IFT43: variants seen among roughly 807,000 people sequenced by gnomAD.
The protein encoded by IFT43 is intraflagellar transport protein 43 homolog.
Under a neutral mutation model 32.3 loss-of-function variants are expected in IFT43, and 33 were observed. That is an observed-to-expected ratio of 1.02 (90% CI 0.77 to 1.37). The LOEUF is 1.37. IFT43 is among the 40% of genes most tolerant of loss of function. The probability of loss-of-function intolerance (pLI) is 0.00; values close to 1 mark genes in which losing one functional copy is unlikely to be tolerated. For missense variants in IFT43, 274 were observed against 265.9 expected (o/e 1.03, Z -0.21); for synonymous variants, 93 against 98.2 (o/e 0.95, Z 0.31).
chr14:76,051,403 AG>A (rs914698062), intron 3 of IFT43, among the ~76,000 whole-genome samples: 10 of 151,872 alleles, frequency 6.6e-5, no homozygotes, highest in African/African-American at 2.4e-4. Context: ...CTTAGAGCAG[AG>A]GGACCCCAAT....
chr14:76,064,151 A>G (rs1378229612), intron 5 of IFT43, among the ~76,000 whole-genome samples: 1 of 152,192 alleles, frequency 6.6e-6, no homozygotes, highest in Non-Finnish European at 1.5e-5. Context: ...TCTTCATGAC[A>G]GATCTTCCTC....
At position 76,042,554 on chromosome 14, in the gene IFT43, T is replaced by C. The variant is rs2140011622; in HGVS notation, c.216-16088T>C. On this transcript the variant is annotated intron_variant, in intron 3 of 8. Transcript: ENST00000314067. ...CCTTCCTAGCATCCTTTGGCCTCGC[T>C]CTCTGCAGAGTTGTGCTCCAGCCAG... Among the ~76,000 whole-genome samples, 3 of 152,328 alleles carry C rather than the reference T, an allele frequency of 2.0e-5. No individual in the cohort carries two copies. In the South Asian group the frequency reaches 6.2e-4, roughly 32 times the overall value.
At position 75,988,982 on chromosome 14, in the gene IFT43, G is replaced by A. The variant is rs534582744; in HGVS notation, c.147+5G>A. The A allele has an allele frequency of 6.2e-7, 1 of 1,613,428 alleles. No individual in the cohort carries two copies. Among genetic ancestry groups the A allele is most frequent in the African/African-American group, 1.3e-5 (1 of 74,838 alleles). On this transcript the variant is annotated splice_donor_5th_base_variant and intron_variant, in intron 2 of 8. Coordinates refer to ENST00000314067, the MANE Select transcript of IFT43 (RefSeq NM_001102564.3). ...TCTTTGACTCTGACTGGAGAGGTGG[G>A]TGCTAAAAAAAAAGAAAATCTGAAG... is the stretch of plus-strand genomic sequence containing the variant.
intron 5 of IFT43, among the ~76,000 whole-genome samples, chr14:76,075,168 G>T (rs1051589664): frequency 6.6e-6 from 1 of 152,182 alleles, no homozygotes; most frequent in Admixed American, 6.5e-5. Context: ...CGCATGCTGC[G>T]TATGGTCAGT....
chr14:75,994,185 T>C (rs369317360), intron 2 of IFT43, among the ~76,000 whole-genome samples: 2 of 152,156 alleles, frequency 1.3e-5, no homozygotes, highest in African/African-American at 4.8e-5. Context: ...AGTTTTTGTT[T>C]TGGAGTTGAG....
intron 3 of IFT43, among the ~76,000 whole-genome samples, chr14:76,054,638 C>CT (rs1442583865): frequency 1.3e-5 from 2 of 152,212 alleles, no homozygotes; most frequent in African/African-American, 4.8e-5. Flanking sequence ...TTGAAAAGTG[C>CT]TCTGTGTGAG....
rs541081809 is a variant in IFT43, at chr14:76,027,897, C to A, written c.215+5503C>A. On this transcript the variant is annotated intron_variant, in intron 3 of 8. Transcript: ENST00000314067. The stretch of plus-strand genomic sequence containing the variant: ...TCCAATCAGCTCAAATATTGTGTTT[C>A]GTAGTTGTCTTTTTAGTCTCTCTTG... Among the ~76,000 whole-genome samples the A allele has an allele frequency of 9.2e-5, 14 of 151,962 alleles. 2 individuals carry two copies. The East Asian group carries it at 2.5e-3, about 27-fold the overall frequency.
intron 3 of IFT43, among the ~76,000 whole-genome samples, chr14:76,039,102 A>G (rs2036658209): frequency 6.6e-6 from 1 of 151,880 alleles, no homozygotes; most frequent in Non-Finnish European, 1.5e-5. Flanking sequence ...AATGTTAGAC[A>G]CAACCCCTTT....
chr14:76,067,644 G>A (rs1465098922), intron 5 of IFT43, among the ~76,000 whole-genome samples: 2 of 151,978 alleles, frequency 1.3e-5, no homozygotes, highest in Non-Finnish European at 2.9e-5. Flanking sequence ...GAAATGGAGA[G>A]TGAGTGACAT....
chr14:76,029,197 A>G (rs1203544415), intron 3 of IFT43, among the ~76,000 whole-genome samples: 1 of 152,098 alleles, frequency 6.6e-6, no homozygotes, highest in African/African-American at 2.4e-5. Flanking sequence ...TGTGGCTTCA[A>G]TTTGCATTTC....
intron 1 of IFT43, chr14:75,986,338 C>T (rs755066197): frequency 2.0e-4 from 233 of 1,175,878 alleles, no homozygotes; most frequent in Non-Finnish European, 2.5e-4. Context: ...GGGAGTTAAC[C>T]TCAGTTACCT....
intron 2 of IFT43, among the ~76,000 whole-genome samples, chr14:76,016,261 A>G (rs2139939051): frequency 6.6e-6 from 1 of 152,150 alleles, no homozygotes; most frequent in South Asian, 2.1e-4. Context: ...CTCTGGTTTT[A>G]TTCTTCTGTG....
Position 76,083,694 on chromosome 14 carries a change from T to C in IFT43, c.*117T>C. ...TTGTAATAAAAATATTTATATTCAG[T>C]CAACCACATTGGATAATTCAATTGC... On this transcript the variant is annotated 3_prime_UTR_variant, in exon 9 of 9. Transcript: ENST00000314067. 2.1e-6 allele frequency: 2 copies of C among 948,734 alleles called. No individual in the cohort carries two copies. Among genetic ancestry groups the C allele is most frequent in the South Asian group, 2.8e-5 (2 of 71,684 alleles). 58.8% of individuals were successfully genotyped at this position (948,734 alleles called of 1,614,324 possible). A position where few individuals can be genotyped will look rare whatever the true frequency, so the allele number is the denominator to read the frequency against.
At chr14:76,051,679 G>A (rs1470475762) in intron 3 of IFT43, among the ~76,000 whole-genome samples, 3 of 152,238 alleles carry the variant, frequency 2.0e-5, no homozygotes, top group Non-Finnish European at 2.9e-5. Flanking sequence ...AAAATTATGA[G>A]GGTAGAAAAC....
At chr14:76,016,444 G>T (rs2036189900) in intron 2 of IFT43, among the ~76,000 whole-genome samples, 1 of 151,960 alleles carries the variant, frequency 6.6e-6, no homozygotes, top group Admixed American at 6.6e-5. Context: ...TGCTGTTTTG[G>T]TTACTATAGC....
chr14:76,063,415 T>C (rs2037177899), intron 5 of IFT43, among the ~76,000 whole-genome samples: 1 of 152,234 alleles, frequency 6.6e-6, no homozygotes, highest in African/African-American at 2.4e-5. Context: ...TTTCAGACTT[T>C]GCTTCTAAAA....
intron 2 of IFT43, among the ~76,000 whole-genome samples, chr14:75,999,265 ATATATATGTATATATATTTT>A (rs1411097614): frequency 1.3e-4 from 3 of 23,748 alleles, no homozygotes; most frequent in African/African-American, 5.3e-4. Context: ...ATATATATAT[ATATATATGTATATATATTTT>A]TTTTTTTTTT....
At chr14:76,023,505 A>G (rs2036332846) in intron 3 of IFT43, among the ~76,000 whole-genome samples, 1 of 152,238 alleles carries the variant, frequency 6.6e-6, no homozygotes, top group African/African-American at 2.4e-5. Context: ...ACTTGAAAGG[A>G]TCATTGTGAG....
At chr14:76,014,022 C>T (rs780722915) in intron 2 of IFT43, 1 of 238,192 alleles carries the variant, frequency 4.2e-6, no homozygotes, top group South Asian at 8.7e-5. Context: ...TTGTGAACAA[C>T]CCCCAGCCCG....
Sources: allele counts gnomAD v4.1 joint callset (sites outside exome capture counted in the v4.1 genomes callset), GRCh38; gene constraint gnomAD v4.1.1; transcripts MANE v1.5; gene names NCBI Gene and HGNC (gene_info 2026-07-23, HGNC 2026-07-21).